The following CACHD1 variants were observed in gnomAD, a reference collection of about 807,000 sequenced individuals.
CACHD1 encodes VWFA and cache domain-containing protein 1.
Under a neutral mutation model 138.7 loss-of-function variants are expected in CACHD1, and 71 were observed. That is an observed-to-expected ratio of 0.51 (90% CI 0.42 to 0.62). CACHD1 has a LOEUF of 0.62. Among genes scored for constraint, CACHD1 ranks in the 20% least tolerant of loss-of-function variants. The pLI is 0.00. For missense variants in CACHD1, 1,389 were observed against 1,625.3 expected (o/e 0.85, Z 2.50); for synonymous variants, 578 against 591.5 (o/e 0.98, Z 0.33).
At chr1:64,492,064 G>C (rs1032616349) in intron 1 of CACHD1, among the ~76,000 whole-genome samples, 1 of 151,592 alleles carries the variant, frequency 6.6e-6, no homozygotes, top group Non-Finnish European at 1.5e-5. Flanking sequence ...ACAAAAGATG[G>C]TTTGAAACTG....
rs1553146851 is a variant in CACHD1, at chr1:64,681,541, G to GGTTTTTTTTTTTTTTTTTTTTTTTTT, written c.3484+206_3484+207insGTTTTTTTTTTTTTTTTTTTTTTTTT. 2.1e-4 allele frequency among the ~76,000 whole-genome samples: 14 copies of GGTTTTTTTTTTTTTTTTTTTTTTTTT among 68,148 alleles called. 4 individuals carry two copies. Among genetic ancestry groups the GGTTTTTTTTTTTTTTTTTTTTTTTTT allele is most frequent in the African/African-American group, 1.0e-3 (14 of 13,660 alleles). 44.7% of individuals were successfully genotyped at this position (68,148 alleles called of 152,430 possible). A position where few individuals can be genotyped will look rare whatever the true frequency, so the allele number is the denominator to read the frequency against. On this transcript the variant is annotated intron_variant, in intron 25 of 26. Coordinates refer to ENST00000651257, the MANE Select transcript of CACHD1 (RefSeq NM_020925.4). ...AGAGAATCTCAAAAGATTTTATTGT[G>GGTTTTTTTTTTTTTTTTTTTTTTTTT]TTTTTTTTTTTTTTTTTTTTTTTGC...
chr1:64,559,286 A>G (rs1378714735), intron 2 of CACHD1, among the ~76,000 whole-genome samples: 4 of 152,222 alleles, frequency 2.6e-5, no homozygotes, highest in Admixed American at 2.0e-4. Context: ...AAATTGTGGT[A>G]TATATGTACA....
intron 1 of CACHD1, among the ~76,000 whole-genome samples, chr1:64,525,637 T>C (rs2100387155): frequency 6.6e-6 from 1 of 152,318 alleles, no homozygotes; most frequent in South Asian, 2.1e-4. Context: ...ATTTCAGTAT[T>C]TTCGTAAATA....
chr1:64,653,936 A>C, intron 11 of CACHD1, 55 bp downstream of exon 11: 1 of 1,489,818 alleles, frequency 6.7e-7, no homozygotes, highest in Non-Finnish European at 9.3e-7. Flanking sequence ...GGGACCCATC[A>C]AAGCCACATA....
chr1:64,602,773 A>G (rs1428884025), intron 3 of CACHD1, 33 bp from the exon 4 acceptor site: 1 of 1,465,010 alleles, frequency 6.8e-7, no homozygotes, highest in East Asian at 2.3e-5. Context: ...TCTGGCCTGA[A>G]TAAGTATTGC....
intron 2 of CACHD1, among the ~76,000 whole-genome samples, chr1:64,575,547 G>A (rs529605072): frequency 6.6e-6 from 1 of 152,282 alleles, no homozygotes; most frequent in African/African-American, 2.4e-5. Context: ...GGCTAGAGTT[G>A]AAGGAAATAA....
chr1:64,654,743 C>T lies in CACHD1; in HGVS notation c.1722C>T (p.His574=), dbSNP rs147163913. ...CTGTGAACTCATCCCTGTCTTGGCA[C>T]ATAAACAAGCTGAGAGAAACTGGAA... is the stretch of plus-strand genomic sequence containing the variant. The part of the protein sequence containing the change: ...AVPVNSSLSW[H]INKLRETGKE... The change falls in exon 12 of 27, where the codon CAC becomes CAT. Residue 574 remains histidine, a synonymous_variant. Transcript: ENST00000651257. The T allele has an allele frequency of 1.1e-3, 1,788 of 1,613,948 alleles. 8 individuals are homozygous for T. Among genetic ancestry groups the T allele is most frequent in the Middle Eastern group, 0.01 (63 of 6,062 alleles).
chr1:64,558,815 C>A (rs1219670968), intron 2 of CACHD1, among the ~76,000 whole-genome samples: 1 of 152,022 alleles, frequency 6.6e-6, no homozygotes, highest in South Asian at 2.1e-4. Context: ...AAAAACAACC[C>A]CATTAAAAAG....
intron 12 of CACHD1, 36 bp downstream of exon 12, chr1:64,654,839 A>G: frequency 7.0e-7 from 1 of 1,433,414 alleles, no homozygotes; most frequent in Non-Finnish European, 9.8e-7. Flanking sequence ...TTGAAGAGCT[A>G]CAGGGTACAG....
At chr1:64,583,971 T>C (rs1249761325) in intron 3 of CACHD1, among the ~76,000 whole-genome samples, 2 of 152,162 alleles carry the variant, frequency 1.3e-5, no homozygotes, top group Non-Finnish European at 2.9e-5. Flanking sequence ...CCATATTAGG[T>C]ATAATCAAAG....
intron 3 of CACHD1, among the ~76,000 whole-genome samples, chr1:64,597,917 A>G (rs1179661752): frequency 1.3e-5 from 2 of 152,168 alleles, no homozygotes; most frequent in African/African-American, 2.4e-5. Context: ...TGTCCTAAGT[A>G]TGAGCTTTAT....
intron 2 of CACHD1, among the ~76,000 whole-genome samples, chr1:64,552,355 T>C (rs576921170): frequency 1.3e-5 from 2 of 152,268 alleles, no homozygotes; most frequent in African/African-American, 2.4e-5. Context: ...GATGAGGAAA[T>C]TGGGGCTCCA....
chr1:64,483,254 T>A (rs1646221451), intron 1 of CACHD1, among the ~76,000 whole-genome samples: 1 of 152,322 alleles, frequency 6.6e-6, no homozygotes, highest in South Asian at 2.1e-4. Flanking sequence ...CATTTAGGAA[T>A]GTAAAACATA....
At chr1:64,652,921 A>G (rs746886240) in intron 10 of CACHD1, among the ~76,000 whole-genome samples, 14 of 152,184 alleles carry the variant, frequency 9.2e-5, no homozygotes, top group Admixed American at 3.9e-4. Context: ...AGGAATGTCA[A>G]TCGTTCTCTC....
chr1:64,651,092 G>A (rs1434854707), intron 9 of CACHD1, among the ~76,000 whole-genome samples: 1 of 151,946 alleles, frequency 6.6e-6, no homozygotes, highest in Non-Finnish European at 1.5e-5. Context: ...TTATCCTATT[G>A]TTGTTGTTGT....
intron 26 of CACHD1, among the ~76,000 whole-genome samples, chr1:64,685,223 A>C (rs1271709792): frequency 6.6e-6 from 1 of 152,184 alleles, no homozygotes; most frequent in Non-Finnish European, 1.5e-5. Context: ...ATTGTGTTTT[A>C]GTTGCCTACA....
chr1:64,575,128 A>G (rs1646957226), intron 2 of CACHD1, among the ~76,000 whole-genome samples: 1 of 152,200 alleles, frequency 6.6e-6, no homozygotes, highest in Non-Finnish European at 1.5e-5. Context: ...AATCCCTTGT[A>G]TTTGTCCTAG....
intron 8 of CACHD1, among the ~76,000 whole-genome samples, chr1:64,643,629 G>A (rs1335345821): frequency 5.3e-5 from 8 of 152,206 alleles, no homozygotes; most frequent in Non-Finnish European, 8.8e-5. Context: ...GAGGTCAGGA[G>A]ATCAAGACCA....
intron 4 of CACHD1, among the ~76,000 whole-genome samples, chr1:64,603,792 C>T (rs555328943): frequency 6.6e-6 from 1 of 152,040 alleles, no homozygotes; most frequent in African/African-American, 2.4e-5. Context: ...CACTTTTTTG[C>T]CCTAGAGTTC....
Sources: allele counts gnomAD v4.1 joint callset (sites outside exome capture counted in the v4.1 genomes callset), GRCh38; gene constraint gnomAD v4.1.1; transcripts MANE v1.5; gene names NCBI Gene and HGNC (gene_info 2026-07-23, HGNC 2026-07-21).